The following CEP164 variants were observed in gnomAD, a reference collection of about 807,000 sequenced individuals.
The protein encoded by CEP164 is centrosomal protein 164, also known as centrosomal protein of 164 kDa.
A neutral mutation model predicts 182.7 loss-of-function variants in CEP164; 162 were observed. That is an observed-to-expected ratio of 0.89 (90% CI 0.78 to 1.01). The LOEUF (loss-of-function observed/expected upper bound fraction) is 1.01. Among genes scored for constraint, CEP164 ranks in the 50% least tolerant of loss-of-function variants. The pLI, the probability that CEP164 is intolerant of heterozygous loss-of-function variation, is 0.00. For synonymous variants in CEP164, 661 were observed against 690.0 expected (o/e 0.96, Z 0.66); for missense variants, 1,735 against 1,790.4 (o/e 0.97, Z 0.56).
At chr11:117,355,615 G>A in intron 5 of CEP164, 1 of 1,196,768 alleles carries the variant, frequency 8.4e-7, no homozygotes, top group Non-Finnish European at 1.1e-6. Flanking sequence ...GGAAGAGCAA[G>A]TTGTTGTTAG....
chr11:117,356,079 C>A, intron 5 of CEP164: 1 of 1,090,434 alleles, frequency 9.2e-7, no homozygotes, highest in Non-Finnish European at 1.1e-6. Flanking sequence ...AACAACTTCC[C>A]TTGGAACCTG....
chr11:117,355,527 A>G, intron 5 of CEP164: 2 of 1,281,476 alleles, frequency 1.6e-6, no homozygotes, highest in South Asian at 2.5e-5. Flanking sequence ...GACAAGGGCC[A>G]AAGCCCCATT....
In CEP164 at chr11:117,411,524, G is replaced by C. The variant is rs2047356651; in HGVS notation, c.4164-271G>C. 1 of 409,892 alleles carries C rather than the reference G, an allele frequency of 2.4e-6. No homozygotes were observed. Among genetic ancestry groups the C allele is most frequent in the African/African-American group, 2.0e-5 (1 of 49,458 alleles). 25.4% of individuals were successfully genotyped at this position (409,892 alleles called of 1,614,324 possible). A position where few individuals can be genotyped will look rare whatever the true frequency, so the allele number is the denominator to read the frequency against. ...TGACAGAGGGGAGCGCTTTGCTGAT[G>C]AGATTGGCGGGAGCAGGCGGATGTG... On this transcript the variant is annotated intron_variant, in intron 31 of 32. Coordinates refer to ENST00000278935, the MANE Select transcript of CEP164 (RefSeq NM_014956.5). This position sits in a 1 kb window ranked among gnomAD's most constrained non-coding sequence, Gnocchi z 4.4.
At chr11:117,364,354 T>C (rs955281145) in intron 8 of CEP164, among the ~76,000 whole-genome samples, 5 of 152,228 alleles carry the variant, frequency 3.3e-5, no homozygotes. Flanking sequence ...AACTGGCCTG[T>C]AAAACTTTAG....
intron 20 of CEP164, among the ~76,000 whole-genome samples, chr11:117,393,357 A>G (rs2044973659): frequency 6.6e-6 from 1 of 152,182 alleles, no homozygotes; most frequent in Non-Finnish European, 1.5e-5. Context: ...TTAAAACATG[A>G]GAAAAACCTC....
At chr11:117,351,190 C>T (rs1381130916) in intron 4 of CEP164, among the ~76,000 whole-genome samples, 1 of 152,024 alleles carries the variant, frequency 6.6e-6, no homozygotes, top group Non-Finnish European at 1.5e-5. Flanking sequence ...GCACCACCAC[C>T]CCGGCTAATT....
At position 117,392,383 on chromosome 11, in the gene CEP164, T is replaced by G. The variant is rs2044774113; in HGVS notation, c.2361+80T>G. 1.9e-6 allele frequency: 3 copies of G among 1,565,612 alleles called. No individual in the cohort carries two copies. In the South Asian group the frequency reaches 3.6e-5, roughly 19 times the overall value. On this transcript the variant is annotated intron_variant, in intron 18 of 32. Transcript: ENST00000278935. ...ATCCCTGGCTACTAGGCAGCGAGCC[T>G]CTCTCTCCAGCCCTGGGGGATGGAT...
chr11:117,392,894 G>C lies in CEP164; in HGVS notation c.2494-110G>C, dbSNP rs1472042283. ...TGGCTGTGTGATGTGCATGTGTTGT[G>C]TGTGTTGGGGGAGATTGGGGAAATG... On this transcript the variant is annotated intron_variant, in intron 19 of 32. Transcript: ENST00000278935. The C allele has an allele frequency of 2.7e-6, 4 of 1,507,080 alleles. No individual in the cohort carries two copies. In the African/African-American group the frequency reaches 5.5e-5, roughly 21 times the overall value. The allele number at this position is 1,507,080 out of a possible 1,614,324, so 93.4% of individuals were successfully genotyped here. A position where few individuals can be genotyped will look rare whatever the true frequency, so the allele number is the denominator to read the frequency against.
chr11:117,347,710 CAA>C (rs560974958), intron 4 of CEP164, among the ~76,000 whole-genome samples: 12 of 117,454 alleles, frequency 1.0e-4, no homozygotes, highest in Non-Finnish European at 9.1e-5. Context: ...AACTCCATCT[CAA>C]AAAAAAAAAA....
chr11:117,374,276 T>G (rs1322714654), intron 10 of CEP164, among the ~76,000 whole-genome samples: 1 of 152,028 alleles, frequency 6.6e-6, no homozygotes, highest in Non-Finnish European at 1.5e-5. Flanking sequence ...ATTTCTAAAG[T>G]TAAGGCTTTG....
intron 5 of CEP164, among the ~76,000 whole-genome samples, chr11:117,353,849 A>C (rs768236499): frequency 1.3e-5 from 2 of 152,110 alleles, no homozygotes; most frequent in Non-Finnish European, 2.9e-5. Flanking sequence ...GTCTGTGACC[A>C]TGTGGCGGTC....
At chr11:117,393,477 G>A (rs1166068393) in intron 20 of CEP164, among the ~76,000 whole-genome samples, 1 of 152,118 alleles carries the variant, frequency 6.6e-6, no homozygotes, top group Non-Finnish European at 1.5e-5. Flanking sequence ...ACTGTTCTGA[G>A]CTCTTTATCT....
intron 27 of CEP164, among the ~76,000 whole-genome samples, chr11:117,402,621 A>G (rs1565616367): frequency 6.6e-6 from 1 of 152,162 alleles, no homozygotes; most frequent in Non-Finnish European, 1.5e-5. Context: ...AGAGTGTTTT[A>G]CTTCCAATTA....
intron 30 of CEP164, 158 bp downstream of exon 30, chr11:117,410,123 C>A: frequency 1.3e-6 from 1 of 771,950 alleles, no homozygotes. Flanking sequence ...GTCCATTGGT[C>A]CATTGACTCT....
upstream of CEP164, among the ~76,000 whole-genome samples, chr11:117,327,411 G>A (rs2035516941): frequency 6.7e-6 from 1 of 150,356 alleles, no homozygotes; most frequent in African/African-American, 2.5e-5. Context: ...ACTCTAAATA[G>A]TCCTTCTCTG....
At chr11:117,351,757 AG>A (rs764539382) in intron 4 of CEP164, 32 bp from the exon 5 acceptor site, 2 of 1,572,622 alleles carry the variant, frequency 1.3e-6, no homozygotes, top group Non-Finnish European at 1.7e-6. Context: ...GTATCTGAGC[AG>A]GGACTAACTT....
intron 5 of CEP164, among the ~76,000 whole-genome samples, chr11:117,361,253 TTTTTTTG>T: frequency 7.2e-6 from 1 of 138,534 alleles, no homozygotes; most frequent in African/African-American, 2.7e-5. Context: ...TTTTTTTTTT[TTTTTTTG>T]AGACAGAGTC....
In CEP164 at chr11:117,411,549, G is replaced by A. The variant is rs984372391; in HGVS notation, c.4164-246G>A. The A allele has an allele frequency of 1.1e-5, 5 of 455,412 alleles. No individual in the cohort carries two copies. Among genetic ancestry groups the A allele is most frequent in the Non-Finnish European group, 2.0e-5 (5 of 250,916 alleles). 28.2% of individuals were successfully genotyped at this position (455,412 alleles called of 1,614,324 possible). Reference sequence around the variant, plus strand: ...GAGATTGGCGGGAGCAGGCGGATGTGGGAGCCCAGAGCCTTGTATCAGTAG... The same window carrying A: ...GAGATTGGCGGGAGCAGGCGGATGTAGGAGCCCAGAGCCTTGTATCAGTAG... On this transcript the variant is annotated intron_variant, in intron 31 of 32. Transcript: ENST00000278935. The surrounding 1 kb of genome is among the most constrained non-coding windows in gnomAD (Gnocchi z 4.4).
chr11:117,382,940 G>T lies in CEP164; in HGVS notation c.1722G>T (p.Glu574Asp). 6.2e-7 allele frequency: 1 copy of T among 1,612,872 alleles called. No individual in the cohort carries two copies. The highest frequency in any genetic ancestry group is 1.1e-5 in the South Asian group (1 of 91,014). ...AVSPTPPVSPEVRSTEPVAPP... is the reference protein window; with the variant it reads ...AVSPTPPVSPDVRSTEPVAPP... Reference sequence around the variant, plus strand: ...GCCCCACCCCGCCAGTCTCTCCAGAGGTGTAAGGGCCAGTTTTGTGTGTCT... The same window carrying T: ...GCCCCACCCCGCCAGTCTCTCCAGATGTGTAAGGGCCAGTTTTGTGTGTCT... Residue 574 changes from glutamate (E) to aspartate (D), a missense_variant and splice_region_variant, in exon 14 of 33, where the codon GAG becomes GAT. Transcript: ENST00000278935.
Sources: gnomAD v4.1 joint callset for allele counts (sites outside exome capture counted in the v4.1 genomes callset) on GRCh38, gnomAD v4.1.1 for gene constraint, Gnocchi (gnomAD v3.1) non-coding constraint, MANE v1.5 for transcripts, NCBI Gene and HGNC (gene_info 2026-07-23, HGNC 2026-07-21) for gene names.